DEPTOR: variants seen among roughly 807,000 people sequenced by gnomAD.
DEPTOR encodes the protein DEP domain containing MTOR interacting protein.
In DEPTOR, 41 loss-of-function variants were observed where a neutral mutation model predicts 41.6. That is an observed-to-expected ratio of 0.98 (90% confidence interval 0.77 to 1.28). The LOEUF (loss-of-function observed/expected upper bound fraction) is 1.28, where lower values mean the gene tolerates loss of function less well. DEPTOR is among the 50% of genes most tolerant of loss of function. The pLI is 0.00. For missense variants in DEPTOR, 514 were observed against 527.9 expected, an observed-to-expected ratio of 0.97 and a Z score of 0.26; for synonymous variants, 195 against 192.3, an observed-to-expected ratio of 1.01 and a Z score of -0.12.
intron 1 of DEPTOR, among the ~76,000 whole-genome samples, chr8:119,875,362 A>G (rs1827218560): frequency 6.6e-6 from 1 of 152,172 alleles, no homozygotes; most frequent in Non-Finnish European, 1.5e-5. Context: ...TGTGAGGTGC[A>G]GTCCAAGAAG....
At chr8:119,921,532 T>C (rs1827893542) in intron 1 of DEPTOR, among the ~76,000 whole-genome samples, 1 of 152,194 alleles carries the variant, frequency 6.6e-6, no homozygotes, top group Non-Finnish European at 1.5e-5. Context: ...TATTGAGTTC[T>C]AGGCTATATC....
intron 1 of DEPTOR, among the ~76,000 whole-genome samples, chr8:119,917,647 T>A (rs1242300183): frequency 1.3e-5 from 2 of 152,202 alleles, no homozygotes; most frequent in Non-Finnish European, 2.9e-5. Flanking sequence ...TTTCTCCCCA[T>A]GTGATAGTCT....
intron 4 of DEPTOR, among the ~76,000 whole-genome samples, chr8:119,972,224 G>C (rs1034715892): frequency 3.3e-5 from 5 of 152,190 alleles, no homozygotes; most frequent in Non-Finnish European, 5.9e-5. Flanking sequence ...GAAATGTATA[G>C]AGCTCTTACT....
In DEPTOR at chr8:120,002,791, A is replaced by AAATATATAT; in HGVS notation, c.791-185_791-184insATATATATA. Among the ~76,000 whole-genome samples the AAATATATAT allele has an allele frequency of 1.8e-3, 109 of 60,666 alleles. 3 individuals carry two copies. The highest frequency in any genetic ancestry group is 7.8e-3 in the African/African-American group (103 of 13,204). 39.8% of individuals were successfully genotyped at this position (60,666 alleles called of 152,430 possible). On this transcript the variant is annotated intron_variant, in intron 5 of 8. Transcript: ENST00000286234. ...GACTCCATCTCAAAAAAAAAAAAAA[A>AAATATATAT]ATATATATATATATATATATAATAT...
chr8:119,978,482 G>A (rs1828724114), intron 4 of DEPTOR, among the ~76,000 whole-genome samples: 1 of 152,150 alleles, frequency 6.6e-6, no homozygotes, highest in Non-Finnish European at 1.5e-5. Flanking sequence ...TGATGAACGT[G>A]AGCTAGATCA....
intron 3 of DEPTOR, among the ~76,000 whole-genome samples, chr8:119,952,024 A>G (rs773908641): frequency 6.6e-6 from 1 of 152,214 alleles, no homozygotes; most frequent in Non-Finnish European, 1.5e-5. Flanking sequence ...AATCCCAGCT[A>G]CTGGGGAGAC....
At chr8:119,883,694 G>C (rs77075071) in intron 1 of DEPTOR, among the ~76,000 whole-genome samples, 2,825 of 152,170 alleles carry the variant, frequency 0.019, 84 homozygotes, top group African/African-American at 0.063. Context: ...AGATCTGTTT[G>C]ACTGTGTTTG....
chr8:120,004,707 G>A (rs370458528), intron 6 of DEPTOR, among the ~76,000 whole-genome samples: 95 of 152,178 alleles, frequency 6.2e-4, no homozygotes, highest in African/African-American at 2.0e-3. Context: ...GTTTCCTTTC[G>A]TGGGTCCCCA....
intron 4 of DEPTOR, among the ~76,000 whole-genome samples, chr8:119,977,268 A>T (rs1380928747): frequency 6.6e-6 from 1 of 152,004 alleles, no homozygotes. Context: ...CTCCCAAAGT[A>T]TTGGAATTAC....
At chr8:120,022,849 C>G (rs1812741765) in intron 8 of DEPTOR, among the ~76,000 whole-genome samples, 1 of 152,176 alleles carries the variant, frequency 6.6e-6, no homozygotes, top group Admixed American at 6.5e-5. Flanking sequence ...ACTGCCCCCA[C>G]TTGTAAAGTC....
At chr8:119,914,240 C>T (rs144067476) in intron 1 of DEPTOR, among the ~76,000 whole-genome samples, 201 of 151,428 alleles carry the variant, frequency 1.3e-3, no homozygotes, top group African/African-American at 4.7e-3. Flanking sequence ...CGGGGTTTTG[C>T]CATGTTGCCC....
In DEPTOR at chr8:120,001,720, C is replaced by G; in HGVS notation, c.790+10C>G. On this transcript the variant is annotated intron_variant, in intron 5 of 8. Transcript: ENST00000286234. ...ACCAGCTTTATGTCAGGTATGCCATCCCGGCATTTATTGGAGCTCAAGTGT... is the reference window on the plus strand; with the variant it reads ...ACCAGCTTTATGTCAGGTATGCCATGCCGGCATTTATTGGAGCTCAAGTGT... 6.2e-7 allele frequency: 1 copy of G among 1,604,204 alleles called. No homozygotes were observed.
At chr8:120,005,726 C>T (rs373383374) in intron 6 of DEPTOR, among the ~76,000 whole-genome samples, 7 of 152,304 alleles carry the variant, frequency 4.6e-5, no homozygotes, top group East Asian at 1.9e-4. Flanking sequence ...CAGCCCCTCT[C>T]CAGTTCTTAG....
At chr8:119,944,380 G>A (rs1828241865) in intron 3 of DEPTOR, among the ~76,000 whole-genome samples, 1 of 152,172 alleles carries the variant, frequency 6.6e-6, no homozygotes. Flanking sequence ...ACACTTAGTG[G>A]CCACTGTTGT....
At chr8:119,921,747 A>AGTTTTTT (rs1827896643) in intron 1 of DEPTOR, among the ~76,000 whole-genome samples, 1 of 132,444 alleles carries the variant, frequency 7.6e-6, no homozygotes, top group South Asian at 2.7e-4. Flanking sequence ...TCTATTCTGT[A>AGTTTTTT]GTTTTTTTTT....
intron 5 of DEPTOR, among the ~76,000 whole-genome samples, 192 bp from the exon 6 acceptor site, chr8:120,002,785 A>ATATAT (rs1176108572): frequency 1.7e-5 from 1 of 60,512 alleles, no homozygotes; most frequent in African/African-American, 7.6e-5. Flanking sequence ...TCAAAAAAAA[A>ATATAT]AAAAAAATAT....
chr8:119,964,515 CAAAAAAAAAA>C (rs536731714), intron 3 of DEPTOR, among the ~76,000 whole-genome samples: 4 of 121,692 alleles, frequency 3.3e-5, no homozygotes, highest in Non-Finnish European at 6.8e-5. Flanking sequence ...AAGCCCGTCT[CAAAAAAAAAA>C]AAAAAAAAAA....
chr8:119,954,272 C>T (rs1055198484), intron 3 of DEPTOR, among the ~76,000 whole-genome samples: 2 of 151,784 alleles, frequency 1.3e-5, no homozygotes, highest in African/African-American at 4.8e-5. Flanking sequence ...GCCTCCTGAG[C>T]AGCTAAGACT....
rs530040188 is a variant in DEPTOR at position 120,025,250 on chromosome 8, T to C, written c.1101+16117T>C. ...GGATTCTCAAATACATATTTTGGCATATTTGGACATTTCACTCATTTTCAG... is the reference window on the plus strand; with the variant it reads ...GGATTCTCAAATACATATTTTGGCACATTTGGACATTTCACTCATTTTCAG... On this transcript the variant is annotated intron_variant, in intron 8 of 8. Transcript: ENST00000286234. 7.9e-5 allele frequency among the ~76,000 whole-genome samples: 12 copies of C among 152,358 alleles called. No individual in the cohort carries two copies. The South Asian group carries it at 2.3e-3, about 29-fold the overall frequency.
Sources: gnomAD v4.1 joint callset for allele counts (sites outside exome capture counted in the v4.1 genomes callset) on GRCh38, gnomAD v4.1.1 for gene constraint, MANE v1.5 for transcripts, NCBI Gene and HGNC (gene_info 2026-07-23, HGNC 2026-07-21) for gene names.